TTBK2: variants seen among roughly 807,000 people sequenced by gnomAD.
The protein encoded by TTBK2 is tau-tubulin kinase 2.
A neutral mutation model predicts 110.8 loss-of-function variants in TTBK2; 28 were observed. That is an observed-to-expected ratio of 0.25 (90% confidence interval 0.19 to 0.35). The LOEUF (loss-of-function observed/expected upper bound fraction) is 0.35. Among genes scored for constraint, TTBK2 ranks in the 10% least tolerant of loss-of-function variants. TTBK2 has a pLI of 1.00. For synonymous variants in TTBK2, 532 were observed against 527.3 expected, an observed-to-expected ratio of 1.01 and a Z score of -0.12; for missense variants, 1,369 against 1,500.3, an observed-to-expected ratio of 0.91 and a Z score of 1.45.
At chr15:42,846,305 T>C (rs2141032003) in intron 3 of TTBK2, among the ~76,000 whole-genome samples, 1 of 152,032 alleles carries the variant, frequency 6.6e-6, no homozygotes, top group African/African-American at 2.4e-5. Context: ...TTCTCGTGCC[T>C]CAGCCTCCCA....
intron 3 of TTBK2, among the ~76,000 whole-genome samples, chr15:42,852,613 T>C (rs767909400): frequency 2.0e-5 from 3 of 152,176 alleles, no homozygotes; most frequent in Non-Finnish European, 2.9e-5. Flanking sequence ...TTCAAGGAAA[T>C]AGACCTCTGC....
At chr15:42,785,280 C>A (rs1280375496) in intron 10 of TTBK2, among the ~76,000 whole-genome samples, 2 of 152,072 alleles carry the variant, frequency 1.3e-5, no homozygotes, top group East Asian at 3.9e-4. Flanking sequence ...CCACCATGCC[C>A]AGCTAATTTT....
At chr15:42,832,191 C>T (rs543635648) in intron 4 of TTBK2, among the ~76,000 whole-genome samples, 2 of 152,056 alleles carry the variant, frequency 1.3e-5, no homozygotes, top group Non-Finnish European at 2.9e-5. Context: ...CATGAGAGTA[C>T]CTAATAACTT....
In TTBK2 at chr15:42,810,443, C is replaced by T. The variant is rs74531214; in HGVS notation, c.822+171G>A. 4.1e-3 allele frequency among the ~76,000 whole-genome samples: 629 copies of T among 152,258 alleles called. 5 individuals are homozygous for T. Among genetic ancestry groups the T allele is most frequent in the African/African-American group, 0.014 (590 of 41,544 alleles). Reference sequence around the variant, plus strand: ...AGAGGGATGAAACACATAACACACACGCTGACACTCTCATCATAAGTTAAT... The same window carrying T: ...AGAGGGATGAAACACATAACACACATGCTGACACTCTCATCATAAGTTAAT... On this transcript the variant is annotated intron_variant, in intron 9 of 14. Coordinates refer to ENST00000267890, the MANE Select transcript of TTBK2 (RefSeq NM_173500.4).
chr15:42,827,917 A>G lies in TTBK2; in HGVS notation c.537+11T>C, dbSNP rs1196246502. ...TTATCAAATATTTGATAATAATATG[A>G]AAAATCTTACTGGTCTGACGTCACC... On this transcript the variant is annotated intron_variant, in intron 6 of 14. Transcript: ENST00000267890. The G allele has an allele frequency of 1.2e-6, 2 of 1,606,438 alleles. No homozygotes were observed. Among genetic ancestry groups the G allele is most frequent in the Admixed American group, 1.7e-5 (1 of 59,964 alleles).
intron 3 of TTBK2, among the ~76,000 whole-genome samples, chr15:42,869,824 G>T: frequency 6.6e-6 from 1 of 152,230 alleles, no homozygotes; most frequent in Middle Eastern, 3.4e-3. Context: ...CTTATAAATA[G>T]ATAATTTAGT....
chr15:42,790,879 T>G (rs1890640995), intron 10 of TTBK2, among the ~76,000 whole-genome samples: 1 of 151,798 alleles, frequency 6.6e-6, no homozygotes, highest in African/African-American at 2.4e-5. Context: ...TTTGTGTGTT[T>G]TTTTTGTTTG....
chr15:42,784,097 A>G (rs911904389), intron 10 of TTBK2, among the ~76,000 whole-genome samples: 6 of 151,410 alleles, frequency 4.0e-5, no homozygotes, highest in Admixed American at 4.0e-4. Flanking sequence ...AAGAAAAAGA[A>G]AAAAAAAACT....
At position 42,898,279 on chromosome 15, in the gene TTBK2, G is replaced by T. The variant is rs183239251; in HGVS notation, c.-67-19595C>A. On this transcript the variant is annotated intron_variant, in intron 1 of 14. Coordinates refer to ENST00000267890, the MANE Select transcript of TTBK2 (RefSeq NM_173500.4). ...CAGAAAATACTGTACTTCTGGCCAG[G>T]TGCAGTGGCTGATACCTGTAATCCA... 2.6e-4 allele frequency among the ~76,000 whole-genome samples: 40 copies of T among 152,078 alleles called. No individual in the cohort carries two copies. In the East Asian group the frequency reaches 7.5e-3, roughly 29 times the overall value.
intron 14 of TTBK2, among the ~76,000 whole-genome samples, chr15:42,747,643 G>A (rs1302871109): frequency 6.6e-6 from 1 of 152,206 alleles, no homozygotes; most frequent in Non-Finnish European, 1.5e-5. Flanking sequence ...GAGCTCAGGC[G>A]GTAATGCCTC....
Position 42,878,674 on chromosome 15 carries a change from T to A in TTBK2, c.-57A>T. The stretch of plus-strand genomic sequence containing the variant: ...CAGGCATCCAGTTCCCAAGGGTGGT[T>A]TCCATTTAACCTAAAACAACAACAA... On this transcript the variant is annotated 5_prime_UTR_variant, in exon 2 of 15. Coordinates refer to ENST00000267890, the MANE Select transcript of TTBK2 (RefSeq NM_173500.4). The A allele has an allele frequency of 6.2e-7, 1 of 1,613,104 alleles. No individual in the cohort carries two copies. Among genetic ancestry groups the A allele is most frequent in the Non-Finnish European group, 8.5e-7 (1 of 1,179,652 alleles).
At chr15:42,863,668 A>C (rs1291455749) in intron 3 of TTBK2, among the ~76,000 whole-genome samples, 2 of 152,204 alleles carry the variant, frequency 1.3e-5, no homozygotes, top group African/African-American at 2.4e-5. Context: ...ACATTACCCA[A>C]CTTAAAACTA....
intron 1 of TTBK2, 150 bp from the exon 2 acceptor site, chr15:42,878,834 A>G: frequency 9.8e-7 from 1 of 1,019,534 alleles, no homozygotes; most frequent in Non-Finnish European, 1.4e-6. Context: ...GAAATGTTTG[A>G]TGCGTATTTT....
intron 10 of TTBK2, among the ~76,000 whole-genome samples, chr15:42,785,103 T>C (rs1415397365): frequency 6.7e-6 from 1 of 149,316 alleles, no homozygotes; most frequent in East Asian, 2.0e-4. Context: ...TGTATTACTT[T>C]TTCACTTGCA....
chr15:42,890,127 T>C (rs1334118560), intron 1 of TTBK2, among the ~76,000 whole-genome samples: 2 of 152,198 alleles, frequency 1.3e-5, no homozygotes, highest in Admixed American at 6.5e-5. Context: ...GAAGGTTCTT[T>C]GTAATTCTCC....
intron 1 of TTBK2, among the ~76,000 whole-genome samples, chr15:42,914,185 C>G (rs1211547573): frequency 6.6e-6 from 1 of 151,938 alleles, no homozygotes; most frequent in African/African-American, 2.4e-5. Flanking sequence ...ACCATATTGG[C>G]CAGGCTAGTC....
intron 3 of TTBK2, among the ~76,000 whole-genome samples, chr15:42,871,908 A>C (rs1392493697): frequency 6.6e-6 from 1 of 152,222 alleles, no homozygotes; most frequent in Non-Finnish European, 1.5e-5. Context: ...GAAAATGATC[A>C]TCCCTATTTA....
In TTBK2 at chr15:42,745,756, G is replaced by A. The variant is rs1390501735; in HGVS notation, c.*39C>T. On this transcript the variant is annotated 3_prime_UTR_variant, in exon 15 of 15. Transcript: ENST00000267890. ...GGACACACATGCATCAGGTTTAGGA[G>A]GAAGATCTCACACCTTTCAAAGAGA... The A allele has an allele frequency of 1.9e-6, 3 of 1,609,826 alleles. No individual in the cohort carries two copies. Among genetic ancestry groups the A allele is most frequent in the African/African-American group, 1.3e-5 (1 of 74,816 alleles).
At chr15:42,797,030 G>A (rs948861816) in intron 9 of TTBK2, among the ~76,000 whole-genome samples, 3 of 152,182 alleles carry the variant, frequency 2.0e-5, no homozygotes, top group African/African-American at 4.8e-5. Flanking sequence ...GTAGAGGGCC[G>A]TAGAAAACAC....
Sources: allele counts gnomAD v4.1 joint callset (sites outside exome capture counted in the v4.1 genomes callset), GRCh38; gene constraint gnomAD v4.1.1; transcripts MANE v1.5; gene names NCBI Gene and HGNC (gene_info 2026-07-23, HGNC 2026-07-21).